The following NLGN2 variants were observed in gnomAD, a reference collection of about 807,000 sequenced individuals.
NLGN2 encodes the protein neuroligin 2.
Under a neutral mutation model 48.6 loss-of-function variants are expected in NLGN2, and 11 were observed. The ratio of observed to expected loss-of-function variants is 0.23; its 90% CI spans 0.14 to 0.37. NLGN2 has a LOEUF of 0.37. Among genes scored for constraint, NLGN2 ranks in the 10% least tolerant of loss-of-function variants. The pLI, the probability that NLGN2 is intolerant of heterozygous loss-of-function variation, is 1.00. For synonymous variants in NLGN2, 548 were observed against 550.0 expected (o/e 1.00, Z 0.05); for missense variants, 801 against 1,225.2 (o/e 0.65, Z 5.17).
upstream of NLGN2, among the ~76,000 whole-genome samples, chr17:7,406,849 C>T (rs1285580012): frequency 6.6e-6 from 1 of 152,048 alleles, no homozygotes; most frequent in Non-Finnish European, 1.5e-5. Flanking sequence ...GGACATGGGT[C>T]ACAATGGCTT....
upstream of NLGN2, among the ~76,000 whole-genome samples, chr17:7,404,661 G>T (rs568332023): frequency 2.5e-4 from 38 of 151,976 alleles, no homozygotes; most frequent in Non-Finnish European, 4.9e-4. Context: ...CCGAGACCGC[G>T]AGAGCCCCGA....
chr17:7,406,653 C>CGGGGGGGGGGGGGGGGGGG (rs71157283), upstream of NLGN2, among the ~76,000 whole-genome samples: 1 of 90,164 alleles, frequency 1.1e-5, no homozygotes, highest in African/African-American at 4.5e-5. Flanking sequence ...GGTGGGGGGG[C>CGGGGGGGGGGGGGGGGGGG]GGGGGGGGGG....
intron 2 of NLGN2, 23 bp from the exon 3 acceptor site, chr17:7,414,321 C>T (rs1465885098): frequency 6.9e-7 from 1 of 1,450,476 alleles, no homozygotes; most frequent in Non-Finnish European, 9.1e-7. Context: ...CCCTGGCCCA[C>T]CTGCCCACCC....
At position 7,417,491 on chromosome 17, in the gene NLGN2, C is replaced by T. The variant is rs761975258; in HGVS notation, c.2200C>T (p.Arg734Cys). 2.4e-5 allele frequency: 36 copies of T among 1,525,836 alleles called. No individual in the cohort carries two copies. Among genetic ancestry groups the T allele is most frequent in the Admixed American group, 6.0e-5 (3 of 49,638 alleles). The allele number at this position is 1,525,836 out of a possible 1,614,324, so 94.5% of individuals were successfully genotyped here. Residue 734 changes from arginine (R) to cysteine (C), a missense_variant, in exon 7 of 7, where the codon CGT becomes TGT. By Grantham distance (180) the Arg-to-Cys change is radical. Transcript: ENST00000302926. Reference sequence around the variant, plus strand: ...GGGCCCCCTGCTCCCCGCCGCGGGCCGTGAGCTGCCACCAGAGGAGGAGCT... The same window carrying T: ...GGGCCCCCTGCTCCCCGCCGCGGGCTGTGAGCTGCCACCAGAGGAGGAGCT... The part of the protein sequence containing the change: ...GGGPLLPAAG[R>C]ELPPEEELVS...
In NLGN2 at chr17:7,417,481, C is replaced by A. The variant is rs777572639; in HGVS notation, c.2190C>A (p.Pro730=). 2 of 1,520,726 alleles carry A rather than the reference C, an allele frequency of 1.3e-6. No homozygotes were observed. Among genetic ancestry groups the A allele is most frequent in the Non-Finnish European group, 1.8e-6 (2 of 1,138,042 alleles). The allele number at this position is 1,520,726 out of a possible 1,614,324, so 94.2% of individuals were successfully genotyped here. A position where few individuals can be genotyped will look rare whatever the true frequency, so the allele number is the denominator to read the frequency against. ...SGVPGGGPLL[P]AAGRELPPEE... ...TGCCTGGTGGGGGCCCCCTGCTCCC[C>A]GCCGCGGGCCGTGAGCTGCCACCAG... Residue 730 remains proline (P), a synonymous_variant, in exon 7 of 7, where the codon CCC becomes CCA. Transcript: ENST00000302926.
At position 7,408,235 on chromosome 17, in the gene NLGN2, AGG is replaced by A; in HGVS notation, c.-15_-14del. On this transcript the variant is annotated 5_prime_UTR_variant, in exon 1 of 7. Coordinates refer to ENST00000302926, the MANE Select transcript of NLGN2 (RefSeq NM_020795.4). This position sits in a 1 kb window ranked among gnomAD's most constrained non-coding sequence, Gnocchi z 7.5. ...CGAGGGGGGGGGGTCCCAGGGAGGG[AGG>A]GGGGGTCCCCCGATCAGCATGTGGC... 9.3e-7 allele frequency: 1 copy of A among 1,071,170 alleles called. No individual in the cohort carries two copies. The highest frequency in any genetic ancestry group is 1.2e-6 in the Non-Finnish European group (1 of 856,764). 66.4% of individuals were successfully genotyped at this position (1,071,170 alleles called of 1,614,324 possible). A position where few individuals can be genotyped will look rare whatever the true frequency, so the allele number is the denominator to read the frequency against.
At chr17:7,410,937 A>G (rs1383422059) in intron 1 of NLGN2, among the ~76,000 whole-genome samples, 1 of 152,186 alleles carries the variant, frequency 6.6e-6, no homozygotes, top group Non-Finnish European at 1.5e-5. Context: ...CCATGGGGCC[A>G]TCACTGCCAC....
At chr17:7,412,382 T>G (rs1339760554) in intron 2 of NLGN2, among the ~76,000 whole-genome samples, 175 bp downstream of exon 2, 1 of 152,006 alleles carries the variant, frequency 6.6e-6, no homozygotes, top group Non-Finnish European at 1.5e-5. Context: ...TTATGAAAAC[T>G]TCAAACGAAA....
At chr17:7,406,088 G>T (rs566922511), upstream of NLGN2, among the ~76,000 whole-genome samples, 4 of 152,260 alleles carry the variant, frequency 2.6e-5, no homozygotes, top group South Asian at 8.3e-4. Flanking sequence ...AAGGCTTAAG[G>T]GGGAAATTTG....
At chr17:7,409,568 G>A (rs141231866) in intron 1 of NLGN2, among the ~76,000 whole-genome samples, 2 of 151,940 alleles carry the variant, frequency 1.3e-5, no homozygotes, top group Non-Finnish European at 2.9e-5. Context: ...CCTGCACCCC[G>A]CATGGCTCTT....
rs989944370 is a variant in NLGN2, at chr17:7,411,894, AC to A, written c.458-256del. Among the ~76,000 whole-genome samples, 44 of 140,538 alleles carry A rather than the reference AC, an allele frequency of 3.1e-4. No homozygotes were observed. Among genetic ancestry groups the A allele is most frequent in the Admixed American group, 1.7e-3 (23 of 13,880 alleles). 92.2% of individuals were successfully genotyped at this position (140,538 alleles called of 152,430 possible). On this transcript the variant is annotated intron_variant, in intron 1 of 6. Transcript: ENST00000302926. The surrounding 1 kb of genome is among the most constrained non-coding windows in gnomAD (Gnocchi z 4.5). ...AGGCCTCAGCCCACTCAGGCACCCCACCCCCCCAAAACCAGCCTTTTCTTTG... is the reference window on the plus strand; with the variant it reads ...AGGCCTCAGCCCACTCAGGCACCCCACCCCCCAAAACCAGCCTTTTCTTTG...
rs781647387 is a variant in NLGN2, at chr17:7,410,821, C to T, written c.458-1336C>T. ...AGGAAGAGGTTGACTCAGGCGCGCG[C>T]GCGCACACACACACGCGCTTCATAG... On this transcript the variant is annotated intron_variant, in intron 1 of 6. Coordinates refer to ENST00000302926, the MANE Select transcript of NLGN2 (RefSeq NM_020795.4). Among the ~76,000 whole-genome samples the T allele has an allele frequency of 1.2e-4, 18 of 151,276 alleles. 1 individual carries two copies. Among genetic ancestry groups the T allele is most frequent in the East Asian group, 5.8e-4 (3 of 5,198 alleles).
rs370003398 is a variant in NLGN2 at position 7,417,313 on chromosome 17, G to C, written c.2022G>C (p.Thr674=). ...CCGGGGACTCACGGGACTACTCCAC[G>C]GAGCTGAGCGTCACCGTGGCCGTGG... ...RFPGDSRDYS[T]ELSVTVAVGA... is the part of the protein sequence containing the mutation. Residue 674 remains threonine, a synonymous_variant, in exon 7 of 7, where the codon ACG becomes ACC. Transcript: ENST00000302926. The C allele has an allele frequency of 8.9e-5, 144 of 1,609,330 alleles. No individual in the cohort carries two copies. The highest frequency in any genetic ancestry group is 1.1e-4 in the Non-Finnish European group (135 of 1,178,504).
intron 6 of NLGN2, 94 bp downstream of exon 6, chr17:7,416,201 C>T (rs745437936): frequency 1.7e-4 from 175 of 1,054,020 alleles, no homozygotes; most frequent in Non-Finnish European, 2.5e-4. Flanking sequence ...CTGGCCTGCC[C>T]TCTTGCTCGA....
upstream of NLGN2, among the ~76,000 whole-genome samples, chr17:7,405,894 G>A (rs1056688980): frequency 1.3e-5 from 2 of 152,202 alleles, no homozygotes; most frequent in African/African-American, 2.4e-5. This position sits in a 1 kb window ranked among gnomAD's most constrained non-coding sequence, Gnocchi z 6.8. Context: ...CTGCAGGAAG[G>A]GGGGGCCTGC....
chr17:7,417,414 G>A lies in NLGN2; in HGVS notation c.2123G>A (p.Arg708Gln), dbSNP rs775563640. ...YYKRDRRQEL[R>Q]CRRLSPPGGS... ...AAGCGGGACCGGCGGCAGGAGCTGC[G>A]GTGCAGGCGGCTTAGCCCACCTGGC... The change falls in exon 7 of 7, where the codon CGG becomes CAG. Residue 708 changes from arginine to glutamine, a missense_variant. Coordinates refer to ENST00000302926, the MANE Select transcript of NLGN2 (RefSeq NM_020795.4). The A allele has an allele frequency of 3.3e-5, 53 of 1,607,526 alleles. No homozygotes were observed. The highest frequency in any genetic ancestry group is 9.0e-5 in the East Asian group (4 of 44,596).
At chr17:7,404,654 A>C (rs1906532522), upstream of NLGN2, among the ~76,000 whole-genome samples, 1 of 151,116 alleles carries the variant, frequency 6.6e-6, no homozygotes, top group Admixed American at 6.6e-5. Flanking sequence ...CAGCCCTCCG[A>C]GACCGCGAGA....
rs1264101304 is a variant in NLGN2, at chr17:7,408,589, G to A, written c.334G>A (p.Gly112Arg). The change falls in exon 1 of 7, where the codon GGG becomes AGG. Residue 112 changes from glycine to arginine, a missense_variant. Physicochemically the swap from Gly to Arg is moderately radical, Grantham distance 125. Around this residue, in one of 5 missense-constraint regions of NLGN2, gnomAD observed 164 missense variants for 186.2 expected, o/e 0.88. Coordinates refer to ENST00000302926, the MANE Select transcript of NLGN2 (RefSeq NM_020795.4). The surrounding 1 kb of genome is among the most constrained non-coding windows in gnomAD (Gnocchi z 7.5). ...LPPACPQNLH[G>R]ALPAIMLPVW... ...GCCCGCCTGCCCGCAGAACCTGCACGGGGCGCTGCCCGCCATCATGCTGCC... is the reference window on the plus strand; with the variant it reads ...GCCCGCCTGCCCGCAGAACCTGCACAGGGCGCTGCCCGCCATCATGCTGCC... 1.3e-6 allele frequency: 2 copies of A among 1,575,082 alleles called. No individual in the cohort carries two copies. Among genetic ancestry groups the A allele is most frequent in the South Asian group, 1.2e-5 (1 of 86,594 alleles).
intron 1 of NLGN2, among the ~76,000 whole-genome samples, chr17:7,410,826 A>G (rs934433738): frequency 6.6e-6 from 1 of 152,104 alleles, no homozygotes; most frequent in African/African-American, 2.4e-5. Context: ...GCGCGCGCGC[A>G]CACACACACG....
Sources: allele counts gnomAD v4.1 joint callset (sites outside exome capture counted in the v4.1 genomes callset), GRCh38; gene constraint gnomAD v4.1.1; regional missense constraint gnomAD v4.1.1; non-coding constraint Gnocchi (gnomAD v3.1); transcripts MANE v1.5; gene names NCBI Gene and HGNC (gene_info 2026-07-23, HGNC 2026-07-21).